IMMP2L: variants seen among roughly 807,000 people sequenced by gnomAD.
IMMP2L encodes the protein inner mitochondrial membrane peptidase subunit 2.
In IMMP2L, 18 loss-of-function variants were observed where a neutral mutation model predicts 19.3. The ratio of observed to expected loss-of-function variants is 0.93; its 90% CI spans 0.64 to 1.38. The LOEUF (loss-of-function observed/expected upper bound fraction) is 1.38, where lower values mean the gene tolerates loss of function less well. IMMP2L is among the 40% of genes most tolerant of loss of function. The pLI is 0.00. For synonymous variants in IMMP2L, 76 were observed against 73.0 expected, an observed-to-expected ratio of 1.04 and a Z score of -0.21; for missense variants, 233 against 218.2, an observed-to-expected ratio of 1.07 and a Z score of -0.43.
At position 110,870,800 on chromosome 7, in the gene IMMP2L, T is replaced by C. The variant is rs1260348150; in HGVS notation, c.408+15793A>G. Among the ~76,000 whole-genome samples the C allele has an allele frequency of 1.3e-5, 2 of 152,174 alleles. No individual in the cohort carries two copies. The highest frequency in any genetic ancestry group is 2.9e-5 in the Non-Finnish European group (2 of 68,024). ...TACAATGTGAGGGCCCTAAAGGCCA[T>C]GGTCAAGGGAATCAGAGAAAACTTA... On this transcript the variant is annotated intron_variant, in intron 5 of 5. Coordinates refer to ENST00000405709, the MANE Select transcript of IMMP2L (RefSeq NM_032549.4). This position sits in a 1 kb window ranked among gnomAD's most constrained non-coding sequence, Gnocchi z 4.2.
At chr7:111,556,647 A>C (rs1759541116) in intron 1 of IMMP2L, among the ~76,000 whole-genome samples, 1 of 152,126 alleles carries the variant, frequency 6.6e-6, no homozygotes, top group Non-Finnish European at 1.5e-5. Flanking sequence ...CATCATACTT[A>C]ATGGCCACTC....
chr7:110,753,052 T>C (rs1037107436), intron 5 of IMMP2L, among the ~76,000 whole-genome samples: 2 of 152,094 alleles, frequency 1.3e-5, no homozygotes, highest in Non-Finnish European at 2.9e-5. Flanking sequence ...GTATGGAGTA[T>C]AAGCTTTTCC....
At chr7:111,250,046 A>G (rs1261990893) in intron 3 of IMMP2L, among the ~76,000 whole-genome samples, 1 of 152,162 alleles carries the variant, frequency 6.6e-6, no homozygotes, top group Non-Finnish European at 1.5e-5. Context: ...CTGATAAGCA[A>G]TTTCAGCAAA....
At chr7:110,893,412 T>C (rs1379223288) in intron 4 of IMMP2L, among the ~76,000 whole-genome samples, 3 of 152,202 alleles carry the variant, frequency 2.0e-5, no homozygotes, top group Non-Finnish European at 4.4e-5. Context: ...TCTGGCTTCT[T>C]ACTTTAGTCT....
chr7:111,243,081 A>C (rs563675477), intron 3 of IMMP2L, among the ~76,000 whole-genome samples: 3 of 152,242 alleles, frequency 2.0e-5, no homozygotes, highest in Admixed American at 6.5e-5. Context: ...TTGTTACTAA[A>C]ACAAAATTCT....
At position 110,754,726 on chromosome 7, in the gene IMMP2L, GTACTGTAATATATT is replaced by G. The variant is rs926243582; in HGVS notation, c.409-91019_409-91006del. 6.9e-4 allele frequency among the ~76,000 whole-genome samples: 105 copies of G among 151,976 alleles called. 1 individual carries two copies. Among genetic ancestry groups the G allele is most frequent in the Admixed American group, 6.9e-3 (105 of 15,198 alleles). The stretch of plus-strand genomic sequence containing the variant: ...TAATATACAAAAGCAAATTTTCAAG[GTACTGTAATATATT>G]TGCCATAAGAGCCTTTTGCTGGTAA... On this transcript the variant is annotated intron_variant, in intron 5 of 5. Coordinates refer to ENST00000405709, the MANE Select transcript of IMMP2L (RefSeq NM_032549.4).
chr7:110,695,167 G>C (rs1357906033), intron 5 of IMMP2L, among the ~76,000 whole-genome samples: 1 of 152,122 alleles, frequency 6.6e-6, no homozygotes, highest in Non-Finnish European at 1.5e-5. Context: ...AAAAATGTTT[G>C]ATGACACAGA....
chr7:111,502,302 G>T (rs1844365318), intron 2 of IMMP2L, among the ~76,000 whole-genome samples: 1 of 152,102 alleles, frequency 6.6e-6, no homozygotes, highest in African/African-American at 2.4e-5. Context: ...CAATACAGGA[G>T]CACCCAGGTT....
At chr7:111,362,299 C>A (rs1426949482) in intron 3 of IMMP2L, among the ~76,000 whole-genome samples, 1 of 151,928 alleles carries the variant, frequency 6.6e-6, no homozygotes, top group Non-Finnish European at 1.5e-5. Flanking sequence ...TAAAAATGTA[C>A]CTTAAAATTG....
chr7:110,727,892 G>A lies in IMMP2L; in HGVS notation c.409-64171C>T, dbSNP rs977305977. On this transcript the variant is annotated intron_variant, in intron 5 of 5. Coordinates refer to ENST00000405709, the MANE Select transcript of IMMP2L (RefSeq NM_032549.4). This position sits in a 1 kb window ranked among gnomAD's most constrained non-coding sequence, Gnocchi z 4.3. ...TACAAATAATTACATCTAACAAGTT[G>A]TGCTAAGTCAACATAACAGCTACAT... Among the ~76,000 whole-genome samples, 2 of 152,154 alleles carry A rather than the reference G, an allele frequency of 1.3e-5. No individual in the cohort carries two copies. Among genetic ancestry groups the A allele is most frequent in the Non-Finnish European group, 1.5e-5 (1 of 68,030 alleles).
intron 5 of IMMP2L, among the ~76,000 whole-genome samples, chr7:110,749,484 T>C (rs1427647372): frequency 1.3e-5 from 2 of 152,246 alleles, no homozygotes; most frequent in South Asian, 2.1e-4. Flanking sequence ...TAGCAAAGAC[T>C]TGGAACCAAC....
intron 3 of IMMP2L, among the ~76,000 whole-genome samples, chr7:111,270,268 T>A (rs1818314906): frequency 6.6e-6 from 1 of 152,162 alleles, no homozygotes; most frequent in Non-Finnish European, 1.5e-5. Flanking sequence ...ACAGATTCCA[T>A]TACTTGAAAG....
intron 3 of IMMP2L, among the ~76,000 whole-genome samples, chr7:111,041,609 G>T (rs1791907002): frequency 6.6e-6 from 1 of 150,998 alleles, no homozygotes; most frequent in Admixed American, 6.6e-5. Context: ...ATGTGTGTTT[G>T]TCACCAGTCA....
chr7:111,392,209 A>G (rs1024841527), intron 3 of IMMP2L, among the ~76,000 whole-genome samples: 4 of 152,084 alleles, frequency 2.6e-5, no homozygotes, highest in African/African-American at 9.7e-5. Context: ...CAATGGATAT[A>G]CTGTCTAACC....
chr7:111,170,086 A>C (rs1370595977), intron 3 of IMMP2L, among the ~76,000 whole-genome samples: 1 of 151,972 alleles, frequency 6.6e-6, no homozygotes, highest in African/African-American at 2.4e-5. Flanking sequence ...CATACATTCA[A>C]GTAACAGTTG....
chr7:111,368,579 T>C (rs1829999110), intron 3 of IMMP2L, among the ~76,000 whole-genome samples: 1 of 151,962 alleles, frequency 6.6e-6, no homozygotes, highest in Non-Finnish European at 1.5e-5. Flanking sequence ...AATTCTTATC[T>C]GTTTCAAGCA....
At chr7:110,835,296 A>G (rs1185517681) in intron 5 of IMMP2L, among the ~76,000 whole-genome samples, 1 of 152,194 alleles carries the variant, frequency 6.6e-6, no homozygotes, top group Admixed American at 6.5e-5. Flanking sequence ...TCTAACTATC[A>G]TTATATGTTA....
chr7:110,944,450 AGTGTGTGTGTGTGCGCGCGCACGT>A (rs1009275035), intron 4 of IMMP2L, among the ~76,000 whole-genome samples: 6 of 147,444 alleles, frequency 4.1e-5, no homozygotes, highest in African/African-American at 1.5e-4. Context: ...AAGCACATAG[AGTGTGTGTGTGTGCGCGCGCACGT>A]GTGTGTGTGC....
At chr7:111,176,366 C>A (rs936567579) in intron 3 of IMMP2L, among the ~76,000 whole-genome samples, 1 of 151,922 alleles carries the variant, frequency 6.6e-6, no homozygotes, top group Non-Finnish European at 1.5e-5. Context: ...TTGGAAGCAA[C>A]CTAGATTTCT....
Sources: allele counts gnomAD v4.1 joint callset (sites outside exome capture counted in the v4.1 genomes callset), GRCh38; gene constraint gnomAD v4.1.1; non-coding constraint Gnocchi (gnomAD v3.1); transcripts MANE v1.5; gene names NCBI Gene and HGNC (gene_info 2026-07-23, HGNC 2026-07-21).